Variants in CDH8 observed in about 807,000 individuals in gnomAD.
The protein encoded by CDH8 is cadherin 8.
Under a neutral mutation model 68.1 loss-of-function variants are expected in CDH8, and 17 were observed. The observed-to-expected ratio is 0.25, with a 90% CI of 0.17 to 0.37. CDH8 has a LOEUF of 0.37. Among genes scored for constraint, CDH8 ranks in the 10% least tolerant of loss-of-function variants. The probability of loss-of-function intolerance (pLI) is 1.00; values close to 1 mark genes in which losing one functional copy is unlikely to be tolerated. For missense variants in CDH8, 763 were observed against 999.3 expected (o/e 0.76, Z 3.19); for synonymous variants, 372 against 365.1 (o/e 1.02, Z -0.21).
At chr16:61,897,378 G>C (rs7201646) in intron 3 of CDH8, among the ~76,000 whole-genome samples, 41 of 151,824 alleles carry the variant, frequency 2.7e-4, no homozygotes, top group Admixed American at 2.0e-4. Flanking sequence ...TCAGCCTCCC[G>C]AGTAGCTGGG....
In CDH8 at chr16:62,019,363, T is replaced by G. The variant is rs555740278; in HGVS notation, c.252+1789A>C. On this transcript the variant is annotated intron_variant, in intron 2 of 11. Transcript: ENST00000577390. The stretch of plus-strand genomic sequence containing the variant: ...AGGATTCAAACTCAGGCAGATAATT[T>G]ACCAGCTCTGTGATCTTGGTTTGGT... Among the ~76,000 whole-genome samples, 3 of 152,318 alleles carry G rather than the reference T, an allele frequency of 2.0e-5. No individual in the cohort carries two copies. The South Asian group carries it at 6.2e-4, about 32-fold the overall frequency.
At chr16:61,939,321 G>A (rs774520741) in intron 2 of CDH8, among the ~76,000 whole-genome samples, 1 of 151,916 alleles carries the variant, frequency 6.6e-6, no homozygotes, top group Non-Finnish European at 1.5e-5. Context: ...TACCTAATCC[G>A]GAAAAATAAT....
At chr16:61,967,922 C>T (rs1010598098) in intron 2 of CDH8, among the ~76,000 whole-genome samples, 2 of 152,190 alleles carry the variant, frequency 1.3e-5, no homozygotes, top group East Asian at 3.9e-4. Context: ...AATTCTCCTG[C>T]CTCGGCCTCC....
intron 8 of CDH8, among the ~76,000 whole-genome samples, chr16:61,751,508 C>T (rs984327492): frequency 3.3e-5 from 5 of 151,146 alleles, no homozygotes; most frequent in African/African-American, 1.2e-4. Context: ...AGATAGAAGA[C>T]CGTCCCGTTA....
intron 3 of CDH8, among the ~76,000 whole-genome samples, chr16:61,881,675 C>G (rs576258544): frequency 6.6e-6 from 1 of 152,146 alleles, no homozygotes; most frequent in Non-Finnish European, 1.5e-5. Flanking sequence ...ATATCACATG[C>G]CAAGCACAGC....
chr16:61,903,822 C>G (rs1274618123), intron 2 of CDH8, among the ~76,000 whole-genome samples: 1 of 152,044 alleles, frequency 6.6e-6, no homozygotes, highest in Non-Finnish European at 1.5e-5. Context: ...ATTAAGTGAC[C>G]ATTTTTACTT....
intron 4 of CDH8, among the ~76,000 whole-genome samples, chr16:61,832,618 T>A (rs1325399221): frequency 2.6e-5 from 4 of 151,748 alleles, no homozygotes; most frequent in Non-Finnish European, 5.9e-5. Flanking sequence ...AATTTTATTT[T>A]CTCCTGGTTA....
At chr16:61,847,206 T>A (rs1178216906) in intron 4 of CDH8, among the ~76,000 whole-genome samples, 1 of 151,882 alleles carries the variant, frequency 6.6e-6, no homozygotes, top group Non-Finnish European at 1.5e-5. Context: ...ACAACTATCA[T>A]GAGATGGGCC....
chr16:61,907,951 G>T (rs923757846), intron 2 of CDH8, among the ~76,000 whole-genome samples: 44 of 150,310 alleles, frequency 2.9e-4, no homozygotes, highest in Admixed American at 2.6e-3. Context: ...GCTGAGGCAG[G>T]AGAATGGTGT....
At chr16:61,718,076 C>A (rs1224535921) in intron 9 of CDH8, among the ~76,000 whole-genome samples, 1 of 151,340 alleles carries the variant, frequency 6.6e-6, no homozygotes, top group East Asian at 1.9e-4. Context: ...AAGTTCTCTG[C>A]ACCCATTGCC....
intron 9 of CDH8, 198 bp downstream of exon 9, chr16:61,726,896 C>T (rs1237708682): frequency 1.8e-6 from 1 of 559,510 alleles, no homozygotes; most frequent in Non-Finnish European, 3.1e-6. Flanking sequence ...ACTTTAGGAG[C>T]CAATTTGGTC....
intron 2 of CDH8, among the ~76,000 whole-genome samples, chr16:61,919,887 ACT>A (rs1475375864): frequency 6.6e-6 from 1 of 152,166 alleles, no homozygotes; most frequent in Non-Finnish European, 1.5e-5. Flanking sequence ...ACAGCATGGT[ACT>A]GGTACCAAAA....
chr16:61,764,030 CG>C (rs1960531011), intron 8 of CDH8, among the ~76,000 whole-genome samples: 1 of 151,972 alleles, frequency 6.6e-6, no homozygotes, highest in African/African-American at 2.4e-5. Context: ...ACATATGAAT[CG>C]AATGAATTAA....
intron 7 of CDH8, among the ~76,000 whole-genome samples, chr16:61,801,871 C>A (rs549961783): frequency 5.9e-5 from 9 of 151,910 alleles, no homozygotes; most frequent in Admixed American, 2.0e-4. Context: ...AACTGCAAGG[C>A]GGCAGCGAGG....
At chr16:61,896,990 C>A (rs914317969) in intron 3 of CDH8, among the ~76,000 whole-genome samples, 65 of 151,382 alleles carry the variant, frequency 4.3e-4, no homozygotes, top group African/African-American at 1.5e-3. Flanking sequence ...CAAACTCCCA[C>A]CAGAAACTTC....
At chr16:61,751,398 A>AC (rs1452080041) in intron 8 of CDH8, among the ~76,000 whole-genome samples, 12 of 149,476 alleles carry the variant, frequency 8.0e-5, no homozygotes, top group South Asian at 2.1e-4. Context: ...AAAAAAAAAA[A>AC]AAAAAAAAAA....
At chr16:62,015,693 AT>A (rs1349746005) in intron 2 of CDH8, among the ~76,000 whole-genome samples, 1 of 152,180 alleles carries the variant, frequency 6.6e-6, no homozygotes, top group East Asian at 1.9e-4. Context: ...ATTTGATGGT[AT>A]TAAGAGATGG....
chr16:61,702,214 T>A (rs936325541), intron 10 of CDH8, among the ~76,000 whole-genome samples: 1 of 151,964 alleles, frequency 6.6e-6, no homozygotes, highest in African/African-American at 2.4e-5. Context: ...CTACTAAAAA[T>A]ACAAAAAATT....
chr16:61,899,881 G>A (rs1431940048), intron 3 of CDH8, among the ~76,000 whole-genome samples: 1 of 137,866 alleles, frequency 7.3e-6, no homozygotes, highest in East Asian at 2.0e-4. Flanking sequence ...TATCTCACTG[G>A]ATTGCTAAAT....
Sources: gnomAD v4.1 joint callset for allele counts (sites outside exome capture counted in the v4.1 genomes callset) on GRCh38, gnomAD v4.1.1 for gene constraint, MANE v1.5 for transcripts, NCBI Gene and HGNC (gene_info 2026-07-23, HGNC 2026-07-21) for gene names.